Variants in SPHKAP observed in about 807,000 individuals in gnomAD.
The protein encoded by SPHKAP is A-kinase anchor protein SPHKAP.
Under a neutral mutation model 137.5 loss-of-function variants are expected in SPHKAP, and 67 were observed. The ratio of observed to expected loss-of-function variants is 0.49; its 90% confidence interval spans 0.40 to 0.60. SPHKAP has a LOEUF of 0.60. SPHKAP is among the 20% of genes least tolerant of loss of function. The pLI is 0.00. For missense variants in SPHKAP, 2,097 were observed against 2,069.3 expected (o/e 1.01, Z -0.26); for synonymous variants, 813 against 785.3 (o/e 1.04, Z -0.59).
chr2:228,156,340 A>T (rs1700106742), intron 1 of SPHKAP, among the ~76,000 whole-genome samples: 1 of 152,176 alleles, frequency 6.6e-6, no homozygotes, highest in African/African-American at 2.4e-5. Flanking sequence ...GCAGCAATAA[A>T]TTGTCATGGT....
chr2:228,161,761 T>A (rs1700283645), intron 1 of SPHKAP, among the ~76,000 whole-genome samples: 1 of 151,580 alleles, frequency 6.6e-6, no homozygotes, highest in Admixed American at 6.6e-5. Flanking sequence ...GAAGTACAAA[T>A]CCACATTGCA....
chr2:227,988,457 T>A (rs778393005), intron 11 of SPHKAP, among the ~76,000 whole-genome samples: 26 of 152,160 alleles, frequency 1.7e-4, no homozygotes, highest in Admixed American at 1.2e-3. Flanking sequence ...GAAAATCAGG[T>A]CGGGATAAAC....
rs370766028 is a variant in SPHKAP at position 227,980,895 on chromosome 2, G to T, written c.*822C>A. 11 of 152,104 alleles carry T rather than the reference G, an allele frequency of 7.2e-5. No homozygotes were observed. Among genetic ancestry groups the T allele is most frequent in the African/African-American group, 2.7e-4 (11 of 41,418 alleles). The allele number at this position is 152,104 out of a possible 1,614,324, so 9.4% of individuals were successfully genotyped here. ...TTACAATAAAATAAAGTGAAAGTTT[G>T]TATTTCATATTATTCAAGACACAAG... On this transcript the variant is annotated 3_prime_UTR_variant, in exon 12 of 12. Transcript: ENST00000392056.
At chr2:227,994,709 T>G (rs1693560467) in intron 8 of SPHKAP, among the ~76,000 whole-genome samples, 1 of 152,334 alleles carries the variant, frequency 6.6e-6, no homozygotes, top group Admixed American at 6.5e-5. Context: ...AGTCCAAAGA[T>G]TCGAGTTCTC....
Position 227,991,183 on chromosome 2 carries a change from T to A in SPHKAP, c.4776A>T (p.Ala1592=). 1 of 1,614,012 alleles carries A rather than the reference T, an allele frequency of 6.2e-7. No homozygotes were observed. The highest frequency in any genetic ancestry group is 2.2e-5 in the East Asian group (1 of 44,850). Residue 1592 remains alanine, a splice_region_variant and synonymous_variant, in exon 11 of 12, where the codon GCA becomes GCT. Coordinates refer to ENST00000392056, the MANE Select transcript of SPHKAP (RefSeq NM_001142644.2). ...TTCCCGTAGGCGGTCCAGATGCAGG[T>A]GCTGAGAACAGACACAACCACAGCC... is the stretch of plus-strand genomic sequence containing the variant. ...ILKGQSESTE[A]PASGPPTGTA... is the part of the protein sequence containing the mutation.
chr2:228,170,231 G>T (rs1700544102), intron 1 of SPHKAP, among the ~76,000 whole-genome samples: 1 of 152,098 alleles, frequency 6.6e-6, no homozygotes, highest in Non-Finnish European at 1.5e-5. Context: ...TTGTTTGTTT[G>T]CGATGGAGCC....
intron 1 of SPHKAP, among the ~76,000 whole-genome samples, chr2:228,180,219 C>T (rs1559218439): frequency 6.6e-6 from 1 of 152,054 alleles, no homozygotes; most frequent in Non-Finnish European, 1.5e-5. Context: ...CACAGCGGGC[C>T]TTTTCTGAAC....
intron 3 of SPHKAP, among the ~76,000 whole-genome samples, chr2:228,099,430 G>A (rs146212688): frequency 1.6e-4 from 24 of 152,266 alleles, no homozygotes; most frequent in African/African-American, 5.5e-4. Flanking sequence ...CTGTGGCCTT[G>A]TAGTATAGTT....
chr2:227,995,711 A>T lies in SPHKAP; in HGVS notation c.4449-17T>A, dbSNP rs1363109094. ...AGGCTGTCACTGTAGAGGGCAAGAT[A>T]TTATTACCAAGAGAGGCAGCACACA... is the stretch of plus-strand genomic sequence containing the variant. On this transcript the variant is annotated splice_polypyrimidine_tract_variant and intron_variant, in intron 7 of 11. Coordinates refer to ENST00000392056, the MANE Select transcript of SPHKAP (RefSeq NM_001142644.2). 6.5e-7 allele frequency: 1 copy of T among 1,548,872 alleles called. No individual in the cohort carries two copies. The highest frequency in any genetic ancestry group is 2.1e-5 in the Admixed American group (1 of 48,738).
At chr2:228,135,710 A>G (rs1484527360) in intron 1 of SPHKAP, among the ~76,000 whole-genome samples, 1 of 152,222 alleles carries the variant, frequency 6.6e-6, no homozygotes, top group East Asian at 1.9e-4. Context: ...ATTAATAAAT[A>G]AATTTAACTA....
chr2:228,074,664 C>T (rs546050058), intron 3 of SPHKAP, among the ~76,000 whole-genome samples: 73 of 152,148 alleles, frequency 4.8e-4, no homozygotes, highest in Non-Finnish European at 9.0e-4. Context: ...TATCAGCCCA[C>T]GAGAAAATTA....
At chr2:228,129,469 GT>G (rs1288172771) in intron 2 of SPHKAP, among the ~76,000 whole-genome samples, 1 of 152,100 alleles carries the variant, frequency 6.6e-6, no homozygotes, top group African/African-American at 2.4e-5. Flanking sequence ...TTCATTAAGG[GT>G]GAGGGTCATT....
At chr2:228,178,285 A>C (rs1267696340) in intron 1 of SPHKAP, among the ~76,000 whole-genome samples, 1 of 152,212 alleles carries the variant, frequency 6.6e-6, no homozygotes, top group Non-Finnish European at 1.5e-5. Flanking sequence ...TTTAAATACA[A>C]TTATTTCCTT....
intron 1 of SPHKAP, among the ~76,000 whole-genome samples, chr2:228,157,224 G>C (rs1471037834): frequency 6.6e-6 from 1 of 152,080 alleles, no homozygotes; most frequent in Non-Finnish European, 1.5e-5. Context: ...TAAGAATCAG[G>C]TCAGGAAACA....
At chr2:228,158,774 C>T (rs1027397608) in intron 1 of SPHKAP, among the ~76,000 whole-genome samples, 2 of 152,172 alleles carry the variant, frequency 1.3e-5, no homozygotes, top group Non-Finnish European at 2.9e-5. Flanking sequence ...TCAAATACAA[C>T]TTATTTCAGT....
intron 3 of SPHKAP, among the ~76,000 whole-genome samples, chr2:228,076,579 C>T (rs1332382394): frequency 5.3e-5 from 8 of 152,088 alleles, no homozygotes; most frequent in Non-Finnish European, 1.0e-4. Flanking sequence ...TTTTGCCCTG[C>T]CCTAGAGATT....
chr2:228,081,689 G>T (rs116277913), intron 3 of SPHKAP, among the ~76,000 whole-genome samples: 1 of 152,098 alleles, frequency 6.6e-6, no homozygotes, highest in African/African-American at 2.4e-5. Context: ...AATAAGCCAG[G>T]CATAGAAAGG....
In SPHKAP at chr2:228,017,410, C is replaced by G. The variant is rs775970335; in HGVS notation, c.3444G>C (p.Leu1148=). ...TGGCGTTCTTGCCAGCATAGTAATC[C>G]AGCAGTAACTCAAATCCTCTCCCTT... ...ENEGRGFELL[L]DYYAGKNASS... is the part of the protein sequence containing the mutation. The change falls in exon 7 of 12, where the codon CTG becomes CTC. Residue 1148 remains leucine (L), a synonymous_variant. Coordinates refer to ENST00000392056, the MANE Select transcript of SPHKAP (RefSeq NM_001142644.2). The G allele has an allele frequency of 5.6e-6, 9 of 1,613,968 alleles. No homozygotes were observed. Among genetic ancestry groups the G allele is most frequent in the Admixed American group, 1.7e-5 (1 of 60,004 alleles).
At chr2:228,011,953 C>G (rs1245058390) in intron 7 of SPHKAP, among the ~76,000 whole-genome samples, 1 of 151,928 alleles carries the variant, frequency 6.6e-6, no homozygotes, top group East Asian at 1.9e-4. Context: ...ATCACTTGAG[C>G]CCAGGAGTCT....
Sources: gnomAD v4.1 joint callset for allele counts (sites outside exome capture counted in the v4.1 genomes callset) on GRCh38, gnomAD v4.1.1 for gene constraint, MANE v1.5 for transcripts, NCBI Gene and HGNC (gene_info 2026-07-23, HGNC 2026-07-21) for gene names.